FAM118B: variants seen among roughly 807,000 people sequenced by gnomAD.
FAM118B encodes protein FAM118B.
FAM118B carries 24 observed loss-of-function variants against 38.5 expected under a neutral mutation model. The observed-to-expected ratio is 0.62, with a 90% CI of 0.45 to 0.88. The LOEUF is 0.88. Among genes scored for constraint, FAM118B ranks in the 40% least tolerant of loss-of-function variants. The pLI is 0.00. For synonymous variants in FAM118B, 138 were observed against 156.3 expected (o/e 0.88, Z 0.87); for missense variants, 334 against 420.0 (o/e 0.80, Z 1.79).
chr11:126,214,507 T>G lies in FAM118B; in HGVS notation c.-77+2677T>G, dbSNP rs980281239. 1.2e-4 allele frequency: 6 copies of G among 51,422 alleles called. 1 individual carries two copies. The highest frequency in any genetic ancestry group is 3.5e-4 in the African/African-American group (6 of 17,296). 3.2% of individuals were successfully genotyped at this position (51,422 alleles called of 1,614,324 possible). A position where few individuals can be genotyped will look rare whatever the true frequency, so the allele number is the denominator to read the frequency against. ...TTGTTTCTGTTTTTTTTTTTTGTTT[T>G]TTTTTTGTTTTTTTTTTTTTACCTC... On this transcript the variant is annotated intron_variant, in intron 1 of 8. Transcript: ENST00000533050.
chr11:126,250,876 TTTTC>T lies in FAM118B; in HGVS notation c.567+151_567+154del. ...CCTGGTTGGAGTTTTTGTTTTTCTT[TTTTC>T]TTTCTTTTTAAAGATCAAATCAATA... On this transcript the variant is annotated intron_variant, in intron 5 of 8. Coordinates refer to ENST00000533050, the MANE Select transcript of FAM118B (RefSeq NM_024556.4). The surrounding 1 kb of genome is among the most constrained non-coding windows in gnomAD (Gnocchi z 5.1). 3.2e-6 allele frequency: 2 copies of T among 617,762 alleles called. No homozygotes were observed. Among genetic ancestry groups the T allele is most frequent in the East Asian group, 5.6e-5 (2 of 35,746 alleles). The allele number at this position is 617,762 out of a possible 1,614,324, so 38.3% of individuals were successfully genotyped here.
chr11:126,219,887 T>A (rs1252258939), intron 1 of FAM118B, among the ~76,000 whole-genome samples: 1 of 151,204 alleles, frequency 6.6e-6, no homozygotes, highest in Non-Finnish European at 1.5e-5. Context: ...TCGAGCTGCT[T>A]GAGTTTTTTT....
rs1370653904 is a variant in FAM118B at position 126,253,445 on chromosome 11, C to T, written c.568-860C>T. The stretch of plus-strand genomic sequence containing the variant: ...CATGGAATCAGGTGGCTATTGCATT[C>T]GCTGTTGTCTAAATGATTGTTCTTC... On this transcript the variant is annotated intron_variant, in intron 5 of 8. Transcript: ENST00000533050. The surrounding 1 kb of genome is among the most constrained non-coding windows in gnomAD (Gnocchi z 5.1). Among the ~76,000 whole-genome samples, 2 of 152,164 alleles carry T rather than the reference C, an allele frequency of 1.3e-5. No individual in the cohort carries two copies. The highest frequency in any genetic ancestry group is 6.5e-5 in the Admixed American group (1 of 15,278).
intron 3 of FAM118B, 63 bp downstream of exon 3, chr11:126,235,150 C>T (rs968673124): frequency 5.4e-6 from 7 of 1,300,220 alleles, no homozygotes; most frequent in Non-Finnish European, 7.8e-6. Context: ...GAAAAATAGC[C>T]AACTTATACC....
At chr11:126,217,576 T>C (rs1188766829) in intron 1 of FAM118B, among the ~76,000 whole-genome samples, 1 of 152,164 alleles carries the variant, frequency 6.6e-6, no homozygotes, top group African/African-American at 2.4e-5. Context: ...TTCTTATCAG[T>C]AACATTTTCT....
intron 1 of FAM118B, among the ~76,000 whole-genome samples, chr11:126,227,448 G>T (rs771932539): frequency 5.9e-5 from 9 of 152,108 alleles, no homozygotes; most frequent in Non-Finnish European, 1.2e-4. Flanking sequence ...TTTTTATTCA[G>T]TTATTTTTAA....
Position 126,234,778 on chromosome 11 carries a change from C to T in FAM118B, c.-7-217C>T, listed in dbSNP as rs80332496. Among the ~76,000 whole-genome samples the T allele has an allele frequency of 8.5e-3, 1,298 of 152,236 alleles. 17 individuals carry two copies. The highest frequency in any genetic ancestry group is 0.027 in the African/African-American group (1,107 of 41,542). ...AGAAGCAAGATGGTAGTATGGAGCA[C>T]CAAAGTCCTATAATTTCCAGATTAC... On this transcript the variant is annotated intron_variant, in intron 2 of 8. Transcript: ENST00000533050.
chr11:126,232,986 A>G (rs1950227761), intron 2 of FAM118B, among the ~76,000 whole-genome samples: 1 of 152,184 alleles, frequency 6.6e-6, no homozygotes, highest in Non-Finnish European at 1.5e-5. Flanking sequence ...AGATGGCTTA[A>G]TGGTATACTT....
chr11:126,216,776 A>G (rs1260815365), intron 1 of FAM118B, among the ~76,000 whole-genome samples: 1 of 152,256 alleles, frequency 6.6e-6, no homozygotes, highest in South Asian at 2.1e-4. Flanking sequence ...AAAGCAATCA[A>G]TCACCAATAG....
At chr11:126,217,316 T>C (rs1250523834) in intron 1 of FAM118B, among the ~76,000 whole-genome samples, 1 of 152,266 alleles carries the variant, frequency 6.6e-6, no homozygotes, top group African/African-American at 2.4e-5. Flanking sequence ...GTGATAGATT[T>C]GTATTTAGCT....
intron 1 of FAM118B, among the ~76,000 whole-genome samples, chr11:126,228,457 C>G (rs1950171382): frequency 6.6e-6 from 1 of 152,162 alleles, no homozygotes; most frequent in African/African-American, 2.4e-5. Flanking sequence ...GCCTCGGCCT[C>G]CCAAAGTGCT....
intron 7 of FAM118B, among the ~76,000 whole-genome samples, chr11:126,257,976 CT>C (rs1451540716): frequency 6.6e-6 from 1 of 152,132 alleles, no homozygotes; most frequent in Admixed American, 6.5e-5. Context: ...TTTTCAAAAC[CT>C]CACATTGCCA....
chr11:126,217,259 A>T (rs1300810720), intron 1 of FAM118B, among the ~76,000 whole-genome samples: 3 of 151,952 alleles, frequency 2.0e-5, no homozygotes, highest in Non-Finnish European at 4.4e-5. Flanking sequence ...TTGGTTTGTT[A>T]TTCTTTCTTG....
intron 1 of FAM118B, among the ~76,000 whole-genome samples, chr11:126,226,074 G>GCAA (rs1950137061): frequency 6.6e-6 from 1 of 151,756 alleles, no homozygotes; most frequent in African/African-American, 2.4e-5. Context: ...GGAACATGGC[G>GCAA]CAAGTTCCTA....
intron 2 of FAM118B, among the ~76,000 whole-genome samples, chr11:126,233,942 T>C (rs947142405): frequency 1.3e-5 from 2 of 151,862 alleles, no homozygotes; most frequent in South Asian, 4.2e-4. Flanking sequence ...TTCCACCAGA[T>C]GTGGTAGCAT....
rs781555681 is a variant in FAM118B at position 126,240,773 on chromosome 11, A to G, written c.87-19A>G. On this transcript the variant is annotated intron_variant, in intron 3 of 8. Coordinates refer to ENST00000533050, the MANE Select transcript of FAM118B (RefSeq NM_024556.4). ...ATCTATTGGATATTCCAATCCTCTC[A>G]TTTGTTTTGCTTTTATAGGAAGCTG... The G allele has an allele frequency of 6.3e-7, 1 of 1,590,912 alleles. No individual in the cohort carries two copies. Among genetic ancestry groups the G allele is most frequent in the African/African-American group, 1.4e-5 (1 of 73,590 alleles).
chr11:126,216,330 C>T (rs902030062), intron 1 of FAM118B, among the ~76,000 whole-genome samples: 3 of 151,116 alleles, frequency 2.0e-5, no homozygotes, highest in African/African-American at 4.9e-5. Context: ...GAGTCGAGGT[C>T]GCACCATTGC....
chr11:126,215,009 C>T, intron 1 of FAM118B, among the ~76,000 whole-genome samples: 1 of 152,136 alleles, frequency 6.6e-6, no homozygotes, highest in Non-Finnish European at 1.5e-5. Context: ...GCAGGAAGTA[C>T]TTGGACATTG....
At chr11:126,248,795 C>T (rs1565337168) in intron 4 of FAM118B, among the ~76,000 whole-genome samples, 1 of 152,220 alleles carries the variant, frequency 6.6e-6, no homozygotes, top group Non-Finnish European at 1.5e-5. Context: ...CGCCTCCCAA[C>T]ACAGTTCCGT....
Sources: allele counts gnomAD v4.1 joint callset (sites outside exome capture counted in the v4.1 genomes callset), GRCh38; gene constraint gnomAD v4.1.1; non-coding constraint Gnocchi (gnomAD v3.1); transcripts MANE v1.5; gene names NCBI Gene and HGNC (gene_info 2026-07-23, HGNC 2026-07-21).